Variants in CBR4 observed in about 807,000 individuals in gnomAD.
CBR4 encodes carbonyl reductase 4.
CBR4 carries 22 observed loss-of-function variants against 21.0 expected under a neutral mutation model. The observed-to-expected ratio is 1.05, with a 90% CI of 0.75 to 1.50. The LOEUF (loss-of-function observed/expected upper bound fraction) is 1.50. CBR4 is among the 40% of genes most tolerant of loss of function. CBR4 has a pLI of 0.00. For synonymous variants in CBR4, 100 were observed against 104.4 expected (o/e 0.96, Z 0.26); for missense variants, 302 against 286.3 (o/e 1.05, Z -0.40).
At chr4:168,895,584 T>A (rs12510322) in intron 2 of CBR4, among the ~76,000 whole-genome samples, 12 of 152,002 alleles carry the variant, frequency 7.9e-5, no homozygotes, top group Non-Finnish European at 2.9e-5. Context: ...GAATAGAAGA[T>A]ACATTTACAA....
chr4:168,982,438 C>G (rs191737658), intron 2 of CBR4, among the ~76,000 whole-genome samples: 1 of 152,228 alleles, frequency 6.6e-6, no homozygotes, highest in East Asian at 1.9e-4. Flanking sequence ...TAGAGACTTA[C>G]AAAGAGATGT....
Position 168,989,531 on chromosome 4 carries a change from T to C in CBR4, c.*619A>G. 1 of 985,402 alleles carries C rather than the reference T, an allele frequency of 1.0e-6. No homozygotes were observed. The highest frequency in any genetic ancestry group is 1.2e-6 in the Non-Finnish European group (1 of 829,908). 61.0% of individuals were successfully genotyped at this position (985,402 alleles called of 1,614,324 possible). On this transcript the variant is annotated 3_prime_UTR_variant, in exon 5 of 5. Coordinates refer to ENST00000306193, the MANE Select transcript of CBR4 (RefSeq NM_032783.5). Reference sequence around the variant, plus strand: ...TATAAAAACTGATCACCCAAGCACATGCAAAAGGAATATAGTTATCTTTAG... The same window carrying C: ...TATAAAAACTGATCACCCAAGCACACGCAAAAGGAATATAGTTATCTTTAG...
At chr4:168,903,682 G>A in intron 2 of CBR4, 3 of 1,221,828 alleles carry the variant, frequency 2.5e-6, no homozygotes, top group East Asian at 2.3e-5. Context: ...AAACCACACT[G>A]TTACTATTTT....
At chr4:168,915,187 G>A (rs1759853746) in intron 2 of CBR4, among the ~76,000 whole-genome samples, 1 of 152,056 alleles carries the variant, frequency 6.6e-6, no homozygotes, top group African/African-American at 2.4e-5. Context: ...TTCCACTCTT[G>A]CTTTTCCTAG....
At chr4:168,985,960 T>A (rs1316021603), downstream of CBR4, among the ~76,000 whole-genome samples, 1 of 152,114 alleles carries the variant, frequency 6.6e-6, no homozygotes, top group Non-Finnish European at 1.5e-5. Context: ...TCAGGTATTA[T>A]GCTGATGACC....
downstream of CBR4, among the ~76,000 whole-genome samples, chr4:168,985,261 T>C (rs974283660): frequency 3.3e-5 from 5 of 151,950 alleles, no homozygotes; most frequent in Admixed American, 6.6e-5. Context: ...AAAGAAGACA[T>C]ACGTGCAGCC....
chr4:168,919,978 C>T (rs1050375969), intron 2 of CBR4, among the ~76,000 whole-genome samples: 7 of 152,130 alleles, frequency 4.6e-5, no homozygotes, highest in South Asian at 2.1e-4. Context: ...TTTGAGAGTA[C>T]GCGTGCTTTG....
intron 1 of CBR4, chr4:169,008,853 A>G (rs1316133596): frequency 1.5e-5 from 6 of 402,398 alleles, no homozygotes; most frequent in Non-Finnish European, 2.9e-5. Context: ...AACTTACAGA[A>G]TCTTTTTTCT....
intron 2 of CBR4, chr4:168,903,710 T>G (rs1043951519): frequency 1.4e-6 from 2 of 1,476,652 alleles, no homozygotes; most frequent in Admixed American, 1.7e-5. Flanking sequence ...CCAAATAGAG[T>G]AGGAATACAC....
intron 1 of CBR4, chr4:169,009,191 A>G: frequency 2.6e-6 from 1 of 391,726 alleles, no homozygotes; most frequent in South Asian, 1.9e-5. Context: ...GATTAAACAA[A>G]TAGCATCTTC....
chr4:168,988,747 TAAGAA>T lies in CBR4; in HGVS notation c.*1398_*1402del. The stretch of plus-strand genomic sequence containing the variant: ...ACTTTCTCATATCCTGAGATTAATC[TAAGAA>T]AACTATTTCAAAGATAAATTTAAAA... On this transcript the variant is annotated 3_prime_UTR_variant, in exon 5 of 5. Coordinates refer to ENST00000306193, the MANE Select transcript of CBR4 (RefSeq NM_032783.5). The T allele has an allele frequency of 1.0e-6, 1 of 964,124 alleles. No homozygotes were observed. Among genetic ancestry groups the T allele is most frequent in the Non-Finnish European group, 1.2e-6 (1 of 810,516 alleles). 59.7% of individuals were successfully genotyped at this position (964,124 alleles called of 1,614,324 possible).
At chr4:168,960,196 G>A (rs1055620592) in intron 2 of CBR4, among the ~76,000 whole-genome samples, 3 of 152,198 alleles carry the variant, frequency 2.0e-5, no homozygotes, top group Admixed American at 6.5e-5. Context: ...TCTGGTAAAA[G>A]AGGGTAATTT....
chr4:169,005,869 G>C, intron 3 of CBR4: 1 of 1,287,074 alleles, frequency 7.8e-7, no homozygotes. Context: ...ACATTTAAAA[G>C]AACAGGGTCA....
Position 169,002,119 on chromosome 4 carries a change from C to G in CBR4, c.487G>C (p.Ala163Pro). The G allele has an allele frequency of 6.3e-7, 1 of 1,590,110 alleles. No individual in the cohort carries two copies. The highest frequency in any genetic ancestry group is 8.5e-7 in the Non-Finnish European group (1 of 1,170,198). ...ATTTTCTTTCTTGCTACCTCTTTAGCAAGAGCACGTGAAAATCCAACTAAT... is the reference window on the plus strand; with the variant it reads ...ATTTTCTTTCTTGCTACCTCTTTAGGAAGAGCACGTGAAAATCCAACTAAT... ...GGLVGFSRAL[A>P]KEVARKKIRV... The change falls in exon 4 of 5, where the codon GCT becomes CCT. Residue 163 changes from alanine (A) to proline (P), a missense_variant. Physicochemically the swap from Ala to Pro is conservative, Grantham distance 27. Coordinates refer to ENST00000306193, the MANE Select transcript of CBR4 (RefSeq NM_032783.5).
At position 169,010,187 on chromosome 4, in the gene CBR4, AAAG is replaced by A. The variant is rs1338676152; in HGVS notation, c.-101_-99del. 17 of 1,143,898 alleles carry A rather than the reference AAAG, an allele frequency of 1.5e-5. No individual in the cohort carries two copies. In the East Asian group the frequency reaches 2.0e-4, roughly 13 times the overall value. 70.9% of individuals were successfully genotyped at this position (1,143,898 alleles called of 1,614,324 possible). A position where few individuals can be genotyped will look rare whatever the true frequency, so the allele number is the denominator to read the frequency against. On this transcript the variant is annotated 5_prime_UTR_variant, in exon 1 of 5. Coordinates refer to ENST00000306193, the MANE Select transcript of CBR4 (RefSeq NM_032783.5). ...ACAACCGCGGTTCCAAAAAAAAAAA[AAAG>A]AAAAAAAAAGGCAAACCGCAAAAAA... is the stretch of plus-strand genomic sequence containing the variant.
At chr4:168,903,953 C>CAGTA (rs752511503) in intron 2 of CBR4, 36 of 1,534,870 alleles carry the variant, frequency 2.3e-5, no homozygotes, top group Non-Finnish European at 2.9e-5. Context: ...CTAGTGCTTA[C>CAGTA]AGGCATTTGA....
chr4:168,936,351 T>C (rs1162039596), intron 2 of CBR4, among the ~76,000 whole-genome samples: 2 of 151,844 alleles, frequency 1.3e-5, no homozygotes, highest in Non-Finnish European at 2.9e-5. Flanking sequence ...GGGCTGAAAA[T>C]TGCAAAAATG....
chr4:168,894,928 C>T lies in CBR4; in HGVS notation n.170-163G>A, dbSNP rs188962640. Reference sequence around the variant, plus strand: ...TCTTCTTCTTGATTATTCTCCTTTCCAGTACATTTCCATTTTCCTATCCTA... The same window carrying T: ...TCTTCTTCTTGATTATTCTCCTTTCTAGTACATTTCCATTTTCCTATCCTA... On this transcript the variant is annotated intron_variant and non_coding_transcript_variant, in intron 2 of 3. Coordinates refer to the CBR4 transcript ENST00000509108. Among the ~76,000 whole-genome samples the T allele has an allele frequency of 2.5e-3, 380 of 152,256 alleles. 2 individuals are homozygous for T. The highest frequency in any genetic ancestry group is 3.4e-3 in the Middle Eastern group (1 of 294).
chr4:168,903,851 C>T lies in CBR4; in HGVS notation n.170-9086G>A. On this transcript the variant is annotated intron_variant and non_coding_transcript_variant, in intron 2 of 3. Transcript: ENST00000509108. ...GATGGGACCTGCTCCCTCCATACCACAGCCTCCACCCTAGATGATGATGGG... is the reference window on the plus strand; with the variant it reads ...GATGGGACCTGCTCCCTCCATACCATAGCCTCCACCCTAGATGATGATGGG... The T allele has an allele frequency of 6.2e-7, 1 of 1,613,756 alleles. No homozygotes were observed. Among genetic ancestry groups the T allele is most frequent in the Non-Finnish European group, 8.5e-7 (1 of 1,179,652 alleles).
Sources: allele counts gnomAD v4.1 joint callset (sites outside exome capture counted in the v4.1 genomes callset), GRCh38; gene constraint gnomAD v4.1.1; transcripts MANE v1.5; gene names NCBI Gene and HGNC (gene_info 2026-07-23, HGNC 2026-07-21).